Variants in CCDC88A observed in about 807,000 individuals in gnomAD.
The protein encoded by CCDC88A is girdin.
A neutral mutation model predicts 234.3 loss-of-function variants in CCDC88A; 54 were observed. The observed-to-expected ratio is 0.23, with a 90% CI of 0.19 to 0.29. The LOEUF is 0.29. Ranked by LOEUF, CCDC88A falls within the 10% of genes least tolerant of loss-of-function variation. The pLI is 1.00. For missense variants in CCDC88A, 1,832 were observed against 2,123.4 expected (o/e 0.86, Z 2.70); for synonymous variants, 753 against 737.8 (o/e 1.02, Z -0.33).
intron 2 of CCDC88A, among the ~76,000 whole-genome samples, chr2:55,401,420 A>C (rs9751964): frequency 0.78 from 70,936 of 90,868 alleles, 28,606 homozygotes; most frequent in Non-Finnish European, 0.88. Context: ...GATGACAGAG[A>C]AAGACTCTGT....
chr2:55,295,550 T>C (rs781580277), intron 31 of CCDC88A, 47 bp downstream of exon 31: 9 of 1,614,072 alleles, frequency 5.6e-6, no homozygotes, highest in South Asian at 1.1e-5. Flanking sequence ...TAGTATGTGT[T>C]GGGATGTCAA....
chr2:55,346,399 C>T, intron 9 of CCDC88A, 66 bp from the exon 10 acceptor site: 1 of 893,580 alleles, frequency 1.1e-6, no homozygotes, highest in Non-Finnish European at 1.7e-6. Flanking sequence ...CTTTGTTGCA[C>T]AATTTGAAAT....
chr2:55,410,892 C>CAA (rs71924495), intron 2 of CCDC88A, among the ~76,000 whole-genome samples: 231 of 131,986 alleles, frequency 1.8e-3, no homozygotes, highest in African/African-American at 6.0e-3. Flanking sequence ...GGCCTTGTCT[C>CAA]AAAAAAAAAA....
chr2:55,369,374 C>T (rs921059309), intron 5 of CCDC88A, among the ~76,000 whole-genome samples: 9 of 151,662 alleles, frequency 5.9e-5, no homozygotes, highest in Admixed American at 4.6e-4. Flanking sequence ...TCCAGTCCTT[C>T]ATAACTCAAT....
At chr2:55,378,396 A>C (rs936280751) in intron 3 of CCDC88A, among the ~76,000 whole-genome samples, 1 of 152,236 alleles carries the variant, frequency 6.6e-6, no homozygotes, top group Non-Finnish European at 1.5e-5. Context: ...AATGTACTCT[A>C]GTATAGTAGA....
intron 3 of CCDC88A, among the ~76,000 whole-genome samples, chr2:55,384,641 G>T (rs1675276858): frequency 1.2e-5 from 1 of 86,022 alleles, no homozygotes; most frequent in African/African-American, 4.5e-5. Flanking sequence ...GTATATATGT[G>T]TATATATACA....
chr2:55,419,121 T>C lies in CCDC88A; in HGVS notation c.-42A>G. On this transcript the variant is annotated 5_prime_UTR_variant, in exon 1 of 33. Transcript: ENST00000436346. ...TTGAAAAAAGGAACTACCACAAAAA[T>C]ACGCCTAGGGAATTGGTCACTAAAC... is the stretch of plus-strand genomic sequence containing the variant. 8.3e-7 allele frequency: 1 copy of C among 1,200,822 alleles called. No individual in the cohort carries two copies. 74.4% of individuals were successfully genotyped at this position (1,200,822 alleles called of 1,614,324 possible).
At chr2:55,349,229 C>A (rs1169850853) in intron 9 of CCDC88A, 7 of 330,462 alleles carry the variant, frequency 2.1e-5, no homozygotes, top group Non-Finnish European at 3.2e-5. Context: ...GGTGTTCTAG[C>A]TTCCAAGGCC....
Position 55,419,031 on chromosome 2 carries a change from G to A in CCDC88A, c.49C>T (p.Pro17Ser), listed in dbSNP as rs766353387. 1.9e-6 allele frequency: 3 copies of A among 1,612,762 alleles called. No individual in the cohort carries two copies. The highest frequency in any genetic ancestry group is 2.5e-6 in the Non-Finnish European group (3 of 1,178,852). The change falls in exon 1 of 33, where the codon CCT becomes TCT. Residue 17 changes from proline to serine, a missense_variant. By Grantham distance (74) the Pro-to-Ser change is moderately conservative. Around this residue, in one of 6 missense-constraint regions of CCDC88A, gnomAD observed 36 missense variants for 44.0 expected, o/e 0.82. Transcript: ENST00000436346. ...ACCCCACTTACCCAAGTGACCAAAGGGCTGGTCATGAACTGCTCCAGAAGG... is the reference window on the plus strand; with the variant it reads ...ACCCCACTTACCCAAGTGACCAAAGAGCTGGTCATGAACTGCTCCAGAAGG... Reference protein sequence around the residue: ...TPLLEQFMTSPLVTWVKTFGP... With the variant: ...TPLLEQFMTSSLVTWVKTFGP...
chr2:55,349,443 G>T, intron 9 of CCDC88A, 75 bp downstream of exon 9: 2 of 1,065,460 alleles, frequency 1.9e-6, no homozygotes, highest in Non-Finnish European at 2.9e-6. Flanking sequence ...TGAAGTAAAG[G>T]TTATAAATTA....
chr2:55,316,339 T>C (rs1682977700), intron 21 of CCDC88A, among the ~76,000 whole-genome samples: 1 of 152,024 alleles, frequency 6.6e-6, no homozygotes, highest in South Asian at 2.1e-4. Context: ...CCTTTTTTCA[T>C]CCACCCATCT....
Position 55,346,158 on chromosome 2 carries a change from T to C in CCDC88A, c.1041+17A>G. ...ACACAGAAAAAAAAATCATGAATGG[T>C]TAATTATGCAACATACCTCAACTCT... On this transcript the variant is annotated intron_variant, in intron 10 of 32. Coordinates refer to ENST00000436346, the MANE Select transcript of CCDC88A (RefSeq NM_001365480.1). 1.3e-6 allele frequency: 2 copies of C among 1,558,764 alleles called. No homozygotes were observed. The highest frequency in any genetic ancestry group is 1.7e-6 in the Non-Finnish European group (2 of 1,149,050).
Position 55,335,086 on chromosome 2 carries a change from C to T in CCDC88A, c.1735G>A (p.Glu579Lys), listed in dbSNP as rs1223509833. Residue 579 changes from glutamate (E) to lysine (K), a missense_variant, in exon 15 of 33, where the codon GAA becomes AAA. By Grantham distance (56) the Glu-to-Lys change is moderately conservative. This residue lies in a region of CCDC88A where 1,282 missense variants were observed against 1,543.6 expected (regional missense o/e 0.83). Transcript: ENST00000436346. This position sits in a 1 kb window ranked among gnomAD's most constrained non-coding sequence, Gnocchi z 4.5. ...TTTTCAATGTCTTTCACTCTTGCTTCTGCACTTATCTGGGACCGCTGCCTT... is the reference window on the plus strand; with the variant it reads ...TTTTCAATGTCTTTCACTCTTGCTTTTGCACTTATCTGGGACCGCTGCCTT... Reference protein sequence around the residue: ...SLRQRSQISAEARVKDIEKEN... With the variant: ...SLRQRSQISAKARVKDIEKEN... The T allele has an allele frequency of 5.0e-6, 8 of 1,605,168 alleles. No homozygotes were observed. Among genetic ancestry groups the T allele is most frequent in the Non-Finnish European group, 6.8e-6 (8 of 1,176,872 alleles).
At chr2:55,316,429 T>C (rs2104621499) in intron 21 of CCDC88A, among the ~76,000 whole-genome samples, 1 of 152,260 alleles carries the variant, frequency 6.6e-6, no homozygotes, top group South Asian at 2.1e-4. Flanking sequence ...AATAAGAAAG[T>C]ATTGGCTGGT....
At chr2:55,347,863 T>C (rs1669366938) in intron 9 of CCDC88A, among the ~76,000 whole-genome samples, 1 of 152,014 alleles carries the variant, frequency 6.6e-6, no homozygotes, top group African/African-American at 2.4e-5. Context: ...CTGCCTGCCT[T>C]GCCCTTTCAA....
intron 3 of CCDC88A, among the ~76,000 whole-genome samples, chr2:55,386,838 G>A (rs1025422193): frequency 6.6e-6 from 1 of 151,854 alleles, no homozygotes; most frequent in Non-Finnish European, 1.5e-5. Context: ...TGAAATAAAG[G>A]CATTTTCAGA....
chr2:55,411,067 C>T (rs1273096984), intron 2 of CCDC88A, among the ~76,000 whole-genome samples: 4 of 152,138 alleles, frequency 2.6e-5, no homozygotes, highest in Non-Finnish European at 5.9e-5. Flanking sequence ...TGCCCTCCCA[C>T]CACTCTGACT....
intron 31 of CCDC88A, 183 bp downstream of exon 31, chr2:55,295,414 T>G (rs778925251): frequency 6.5e-7 from 1 of 1,549,382 alleles, no homozygotes; most frequent in South Asian, 1.2e-5. Context: ...AATGCATCAC[T>G]AGGCATCCTA....
intron 17 of CCDC88A, among the ~76,000 whole-genome samples, chr2:55,326,168 T>C (rs1684234597): frequency 8.7e-6 from 1 of 115,170 alleles, no homozygotes; most frequent in African/African-American, 3.9e-5. Flanking sequence ...TCCCTGTTTC[T>C]TCTTTTTTTT....
Sources: gnomAD v4.1 joint callset for allele counts (sites outside exome capture counted in the v4.1 genomes callset) on GRCh38, gnomAD v4.1.1 for gene constraint, gnomAD v4.1.1 regional missense constraint, Gnocchi (gnomAD v3.1) non-coding constraint, MANE v1.5 for transcripts, NCBI Gene and HGNC (gene_info 2026-07-23, HGNC 2026-07-21) for gene names.